The following C10orf90 variants were observed in gnomAD, a reference collection of about 807,000 sequenced individuals.
The protein encoded by C10orf90 is chromosome 10 open reading frame 90.
In C10orf90, 56 loss-of-function variants were observed where a neutral mutation model predicts 62.5. That is an observed-to-expected ratio of 0.90 (90% CI 0.72 to 1.12). The LOEUF is 1.12. C10orf90 is among the 50% of genes most tolerant of loss of function. The probability of loss-of-function intolerance (pLI) is 0.00; values close to 1 mark genes in which losing one functional copy is unlikely to be tolerated. For missense variants in C10orf90, 970 were observed against 880.4 expected, an observed-to-expected ratio of 1.10 and a Z score of -1.29; for synonymous variants, 386 against 340.4, an observed-to-expected ratio of 1.13 and a Z score of -1.47.
intron 2 of C10orf90, among the ~76,000 whole-genome samples, chr10:126,633,573 G>A (rs1211749800): frequency 3.9e-5 from 6 of 152,226 alleles, no homozygotes; most frequent in African/African-American, 9.6e-5. Flanking sequence ...AAAGCCAGGC[G>A]TGGGGACGGG....
intron 2 of C10orf90, among the ~76,000 whole-genome samples, chr10:126,526,405 C>G (rs572463435): frequency 6.6e-6 from 1 of 152,162 alleles, no homozygotes; most frequent in South Asian, 2.1e-4. Context: ...CCACCACACC[C>G]GGCTAATTTT....
At chr10:126,658,685 ACAGG>A (rs1419286417) in intron 1 of C10orf90, among the ~76,000 whole-genome samples, 5 of 152,214 alleles carry the variant, frequency 3.3e-5, no homozygotes, top group Non-Finnish European at 7.3e-5. Flanking sequence ...AAGTCAAGAG[ACAGG>A]CTACAGAATA....
At chr10:126,515,260 A>G (rs1863373062) in intron 2 of C10orf90, among the ~76,000 whole-genome samples, 1 of 152,158 alleles carries the variant, frequency 6.6e-6, no homozygotes, top group African/African-American at 2.4e-5. Flanking sequence ...AGTGTAGCCT[A>G]AGTGTGTAGT....
intron 4 of C10orf90, among the ~76,000 whole-genome samples, chr10:126,467,879 T>G (rs959644696): frequency 4.6e-5 from 7 of 152,170 alleles, no homozygotes; most frequent in Non-Finnish European, 1.0e-4. Context: ...CCTCCTAGAT[T>G]AAGAATTGGA....
intron 4 of C10orf90, among the ~76,000 whole-genome samples, chr10:126,471,572 T>G (rs1045654975): frequency 9.9e-5 from 15 of 152,276 alleles, no homozygotes; most frequent in Non-Finnish European, 1.6e-4. Context: ...GATACTATTA[T>G]GCAAATTCAG....
rs961273620 is a variant in C10orf90, at chr10:126,523,846, C to CT, written c.314-9908dup. Among the ~76,000 whole-genome samples, 44 of 152,152 alleles carry CT rather than the reference C, an allele frequency of 2.9e-4. 1 individual carries two copies. Among genetic ancestry groups the CT allele is most frequent in the African/African-American group, 1.0e-3 (43 of 41,488 alleles). On this transcript the variant is annotated intron_variant, in intron 2 of 9. Coordinates refer to ENST00000488181, the MANE Select transcript of C10orf90 (RefSeq NM_001350921.2). ...TCATACAGTATTTGCCTTTGTGTGG[C>CT]TTATTTCACTTAGCATGTCTTCAGG... is the stretch of plus-strand genomic sequence containing the variant.
chr10:126,455,690 GGTACAGACT>G (rs1306048878), intron 7 of C10orf90, among the ~76,000 whole-genome samples: 1 of 152,230 alleles, frequency 6.6e-6, no homozygotes, highest in Admixed American at 6.5e-5. Context: ...AGTCAAGACA[GGTACAGACT>G]GTAGCTATGA....
intron 2 of C10orf90, among the ~76,000 whole-genome samples, chr10:126,638,444 C>T (rs1327335507): frequency 6.6e-6 from 1 of 152,094 alleles, no homozygotes; most frequent in Non-Finnish European, 1.5e-5. Context: ...CACCATGCCC[C>T]TAGGAGCCAA....
At chr10:126,517,455 A>G (rs977655856) in intron 2 of C10orf90, among the ~76,000 whole-genome samples, 6 of 152,158 alleles carry the variant, frequency 3.9e-5, no homozygotes, top group African/African-American at 1.4e-4. Flanking sequence ...CCATGCCCCT[A>G]TCTGTGAAAT....
intron 4 of C10orf90, among the ~76,000 whole-genome samples, chr10:126,493,632 A>T (rs1861880787): frequency 6.6e-6 from 1 of 152,196 alleles, no homozygotes; most frequent in African/African-American, 2.4e-5. Context: ...CTGGGATTAC[A>T]GGAGTGAGCA....
intron 3 of C10orf90, among the ~76,000 whole-genome samples, chr10:126,507,458 T>C (rs1862816996): frequency 1.3e-5 from 2 of 151,320 alleles, no homozygotes; most frequent in South Asian, 4.2e-4. Flanking sequence ...TAAAATTTAC[T>C]TCATTTAAAA....
intron 1 of C10orf90, among the ~76,000 whole-genome samples, chr10:126,661,683 T>TC: frequency 6.7e-6 from 1 of 150,136 alleles, no homozygotes; most frequent in African/African-American, 2.4e-5. Context: ...TTTTTTTTTT[T>TC]CTCTCTTGTC....
At chr10:126,494,511 AG>A (rs1444868632) in intron 4 of C10orf90, among the ~76,000 whole-genome samples, 1 of 152,150 alleles carries the variant, frequency 6.6e-6, no homozygotes, top group East Asian at 1.9e-4. Context: ...GAAAGAATTT[AG>A]ATTTTTTTTC....
chr10:126,473,214 C>T (rs1297724922), intron 4 of C10orf90, among the ~76,000 whole-genome samples: 1 of 152,190 alleles, frequency 6.6e-6, no homozygotes, highest in Non-Finnish European at 1.5e-5. Flanking sequence ...ACTACATCCA[C>T]TAACTCTTCC....
intron 2 of C10orf90, among the ~76,000 whole-genome samples, chr10:126,548,358 C>T (rs1288191609): frequency 6.6e-6 from 1 of 151,984 alleles, no homozygotes; most frequent in African/African-American, 2.4e-5. Context: ...GCCTGGGAAA[C>T]ATAGCAAGAC....
chr10:126,572,572 G>C (rs981988541), intron 2 of C10orf90, among the ~76,000 whole-genome samples: 2 of 152,012 alleles, frequency 1.3e-5, no homozygotes. Flanking sequence ...TGATGCTGGT[G>C]GGAGTGGAGC....
intron 1 of C10orf90, among the ~76,000 whole-genome samples, chr10:126,666,822 C>CA (rs1846637522): frequency 6.6e-6 from 1 of 151,160 alleles, no homozygotes; most frequent in African/African-American, 2.4e-5. Context: ...ACTAAAAGTA[C>CA]AAAAAAAATT....
At chr10:126,565,934 G>A (rs899581579) in intron 2 of C10orf90, among the ~76,000 whole-genome samples, 4 of 152,150 alleles carry the variant, frequency 2.6e-5, no homozygotes, top group Non-Finnish European at 2.9e-5. Flanking sequence ...CCCAAATAGC[G>A]CTCCTCCACG....
At chr10:126,572,727 G>A (rs1274508184) in intron 2 of C10orf90, among the ~76,000 whole-genome samples, 2 of 152,092 alleles carry the variant, frequency 1.3e-5, no homozygotes, top group Non-Finnish European at 2.9e-5. Flanking sequence ...TGCCTTAACT[G>A]TCTGGGAATG....
Sources: allele counts gnomAD v4.1 joint callset (sites outside exome capture counted in the v4.1 genomes callset), GRCh38; gene constraint gnomAD v4.1.1; transcripts MANE v1.5; gene names NCBI Gene and HGNC (gene_info 2026-07-23, HGNC 2026-07-21).